The following SLC24A3 variants were observed in gnomAD, a reference collection of about 807,000 sequenced individuals.
The protein encoded by SLC24A3 is sodium/potassium/calcium exchanger 3.
In SLC24A3, 28 loss-of-function variants were observed where a neutral mutation model predicts 75.8. The observed-to-expected ratio is 0.37, with a 90% CI of 0.27 to 0.51. The LOEUF is 0.51. SLC24A3 is among the 20% of genes least tolerant of loss of function. The pLI is 0.94. For synonymous variants in SLC24A3, 372 were observed against 334.1 expected (o/e 1.11, Z -1.24); for missense variants, 663 against 847.8 (o/e 0.78, Z 2.71).
At chr20:19,690,030 CAAAAAA>C (rs538406361) in intron 12 of SLC24A3, among the ~76,000 whole-genome samples, 3 of 87,810 alleles carry the variant, frequency 3.4e-5, no homozygotes, top group Admixed American at 1.5e-4. Context: ...GACTCTGTCT[CAAAAAA>C]AAAAAAAAAA....
chr20:19,605,759 A>G (rs1429633880), intron 6 of SLC24A3, among the ~76,000 whole-genome samples: 1 of 152,248 alleles, frequency 6.6e-6, no homozygotes, highest in Admixed American at 6.5e-5. Flanking sequence ...CGAACGTGCC[A>G]AACCAAAAGA....
intron 6 of SLC24A3, among the ~76,000 whole-genome samples, chr20:19,641,838 AAG>A (rs2032078291): frequency 6.6e-6 from 1 of 152,184 alleles, no homozygotes; most frequent in Non-Finnish European, 1.5e-5. Context: ...GCCTCCCTGA[AAG>A]AGTTTGATTC....
At chr20:19,631,708 T>C (rs574833148) in intron 6 of SLC24A3, among the ~76,000 whole-genome samples, 1 of 152,274 alleles carries the variant, frequency 6.6e-6, no homozygotes, top group South Asian at 2.1e-4. Context: ...TGAATGCTTA[T>C]CACTTTCTCT....
chr20:19,624,289 C>A (rs556510994), intron 6 of SLC24A3, among the ~76,000 whole-genome samples: 1 of 152,252 alleles, frequency 6.6e-6, no homozygotes, highest in East Asian at 1.9e-4. Flanking sequence ...AGGCAAGTAT[C>A]CTGGAACCCA....
intron 6 of SLC24A3, among the ~76,000 whole-genome samples, chr20:19,617,084 G>A (rs1019262790): frequency 5.3e-5 from 8 of 152,156 alleles, no homozygotes; most frequent in South Asian, 4.1e-4. Flanking sequence ...GAGATTGCAC[G>A]TGAAGTCAAA....
chr20:19,619,356 G>A (rs1009487074), intron 6 of SLC24A3, among the ~76,000 whole-genome samples: 4 of 152,120 alleles, frequency 2.6e-5, no homozygotes, highest in Non-Finnish European at 1.5e-5. Context: ...AGATGCTCAG[G>A]GAGCCTCAGA....
chr20:19,289,571 G>T (rs530740230), intron 2 of SLC24A3, among the ~76,000 whole-genome samples: 7 of 152,320 alleles, frequency 4.6e-5, no homozygotes, highest in South Asian at 2.1e-4. Flanking sequence ...ACCCACCTTG[G>T]GGAGTGGAGA....
chr20:19,669,662 G>C (rs1340053421), intron 8 of SLC24A3, among the ~76,000 whole-genome samples: 2 of 152,128 alleles, frequency 1.3e-5, no homozygotes, highest in African/African-American at 2.4e-5. Context: ...CGATGGTTTG[G>C]TTTCTTCTTT....
At position 19,212,814 on chromosome 20, in the gene SLC24A3, C is replaced by A. The variant is rs1320603807; in HGVS notation, c.-29C>A. 1 of 980,290 alleles carries A rather than the reference C, an allele frequency of 1.0e-6. No individual in the cohort carries two copies. Among genetic ancestry groups the A allele is most frequent in the South Asian group, 4.5e-5 (1 of 22,024 alleles). The allele number at this position is 980,290 out of a possible 1,614,324, so 60.7% of individuals were successfully genotyped here. ...GCCCGCGACAGGAGCGGCCGCCGCCCGCCGAGGCCGCCGCCCGGCCGCCCG... is the reference window on the plus strand; with the variant it reads ...GCCCGCGACAGGAGCGGCCGCCGCCAGCCGAGGCCGCCGCCCGGCCGCCCG... On this transcript the variant is annotated 5_prime_UTR_variant, in exon 1 of 17. Transcript: ENST00000328041.
chr20:19,446,367 T>C (rs993105393), intron 2 of SLC24A3, among the ~76,000 whole-genome samples: 10 of 152,256 alleles, frequency 6.6e-5, no homozygotes, highest in Admixed American at 6.5e-4. Context: ...ATATAATTAC[T>C]GAATTTCCAT....
chr20:19,348,039 G>A (rs568496776), intron 2 of SLC24A3, among the ~76,000 whole-genome samples: 56 of 152,268 alleles, frequency 3.7e-4, no homozygotes, highest in Non-Finnish European at 7.8e-4. Flanking sequence ...TGCCATTTTT[G>A]GCTAGTGATC....
At chr20:19,466,657 T>C (rs1270233195) in intron 2 of SLC24A3, among the ~76,000 whole-genome samples, 1 of 151,318 alleles carries the variant, frequency 6.6e-6, no homozygotes, top group Non-Finnish European at 1.5e-5. Context: ...GAATCTTTAA[T>C]GGCTGGCCTA....
intron 2 of SLC24A3, among the ~76,000 whole-genome samples, chr20:19,473,795 G>A (rs1242242245): frequency 6.6e-6 from 1 of 152,176 alleles, no homozygotes; most frequent in African/African-American, 2.4e-5. Flanking sequence ...GGCAGTGTAG[G>A]TGAGATCGGG....
intron 2 of SLC24A3, among the ~76,000 whole-genome samples, chr20:19,356,925 T>A (rs1467475096): frequency 6.6e-6 from 1 of 152,162 alleles, no homozygotes; most frequent in Non-Finnish European, 1.5e-5. Flanking sequence ...GGTTTTAATT[T>A]GACTTCCCTG....
chr20:19,432,139 T>C (rs4632426), intron 2 of SLC24A3, among the ~76,000 whole-genome samples: 13,929 of 152,014 alleles, frequency 0.092, 1,863 homozygotes, highest in African/African-American at 0.29. Flanking sequence ...GCTTTGAGGC[T>C]GACAAAATAT....
intron 2 of SLC24A3, among the ~76,000 whole-genome samples, chr20:19,485,455 G>T (rs6112408): frequency 6.6e-6 from 1 of 152,138 alleles, no homozygotes; most frequent in South Asian, 2.1e-4. Context: ...ATGCCTAAGT[G>T]CACCATTCTC....
chr20:19,631,820 GTGTA>G lies in SLC24A3; in HGVS notation c.613-22237_613-22234del, dbSNP rs551225586. ...TGTGTGTGTGTGTGTGTGTGTGTGT[GTGTA>G]TGTAACCACAATTTTTTAAAAGTTT... On this transcript the variant is annotated intron_variant, in intron 6 of 16. Transcript: ENST00000328041. Among the ~76,000 whole-genome samples, 678 of 151,754 alleles carry G rather than the reference GTGTA, an allele frequency of 4.5e-3. 7 individuals carry two copies. Among genetic ancestry groups the G allele is most frequent in the South Asian group, 0.019 (89 of 4,800 alleles).
chr20:19,233,792 G>A lies in SLC24A3; in HGVS notation c.142+20808G>A, dbSNP rs368765639. Among the ~76,000 whole-genome samples the A allele has an allele frequency of 2.6e-3, 398 of 152,288 alleles. 1 individual carries two copies. The highest frequency in any genetic ancestry group is 9.1e-3 in the African/African-American group (377 of 41,552). ...GGGCATTGCCTAGAACAGGAGTGCT[G>A]GACAGTGACTCTAGAGACAGGAGTT... On this transcript the variant is annotated intron_variant, in intron 1 of 16. Transcript: ENST00000328041.
chr20:19,319,423 A>G (rs1049223913), intron 2 of SLC24A3, among the ~76,000 whole-genome samples: 1 of 152,378 alleles, frequency 6.6e-6, no homozygotes, highest in East Asian at 1.9e-4. Context: ...TACCTACCAC[A>G]GCAACTCGCC....
Sources: allele counts gnomAD v4.1 joint callset (sites outside exome capture counted in the v4.1 genomes callset), GRCh38; gene constraint gnomAD v4.1.1; transcripts MANE v1.5; gene names NCBI Gene and HGNC (gene_info 2026-07-23, HGNC 2026-07-21).